Variants in ELAVL2 observed in about 807,000 individuals in gnomAD.
ELAVL2 encodes ELAV like RNA binding protein 2, also known as ELAV-like protein 2.
ELAVL2 carries 4 observed loss-of-function variants against 34.6 expected under a neutral mutation model. The observed-to-expected ratio is 0.12, with a 90% CI of 0.06 to 0.26. The LOEUF is 0.26. ELAVL2 is among the 10% of genes least tolerant of loss of function. The pLI is 1.00. For synonymous variants in ELAVL2, 193 were observed against 154.8 expected, an observed-to-expected ratio of 1.25 and a Z score of -1.83; for missense variants, 432 against 442.8, an observed-to-expected ratio of 0.98 and a Z score of 0.22.
At chr9:23,774,026 A>G (rs1172749441) in intron 1 of ELAVL2, among the ~76,000 whole-genome samples, 2 of 151,884 alleles carry the variant, frequency 1.3e-5, no homozygotes, top group African/African-American at 2.4e-5. Flanking sequence ...CCTGGCTAAC[A>G]CGGTGAAACC....
chr9:23,814,404 G>C (rs749009027), intron 1 of ELAVL2, among the ~76,000 whole-genome samples: 1 of 152,158 alleles, frequency 6.6e-6, no homozygotes, highest in Non-Finnish European at 1.5e-5. Flanking sequence ...GGATAAACAA[G>C]GGACAGAGGG....
chr9:23,834,184 T>C, the ELAVL2 span, among the ~76,000 whole-genome samples: 1 of 152,068 alleles, frequency 6.6e-6, no homozygotes, highest in Admixed American at 6.5e-5. Flanking sequence ...ATATGTTGCA[T>C]AATACATATT....
chr9:23,785,969 C>A (rs2195731), intron 1 of ELAVL2, among the ~76,000 whole-genome samples: 14,499 of 152,176 alleles, frequency 0.095, 963 homozygotes, highest in Admixed American at 0.18. Flanking sequence ...GGTCACCTGG[C>A]ATAGTGATCT....
At chr9:23,782,720 AT>A in intron 1 of ELAVL2, among the ~76,000 whole-genome samples, 1 of 152,244 alleles carries the variant, frequency 6.6e-6, no homozygotes, top group Non-Finnish European at 1.5e-5. Flanking sequence ...AAACCACTTT[AT>A]ATGCTCAAAT....
At chr9:23,763,743 A>C (rs1417339768) in intron 1 of ELAVL2, among the ~76,000 whole-genome samples, 1 of 152,164 alleles carries the variant, frequency 6.6e-6, no homozygotes, top group South Asian at 2.1e-4. Flanking sequence ...GACTGGTCAG[A>C]CTGAACAAGA....
chr9:23,700,460 T>G (rs976389494), intron 5 of ELAVL2, among the ~76,000 whole-genome samples: 1 of 152,168 alleles, frequency 6.6e-6, no homozygotes, highest in Non-Finnish European at 1.5e-5. Flanking sequence ...AGTTAGCATA[T>G]GTACACCTGT....
At chr9:23,807,933 C>G (rs1008780700) in intron 1 of ELAVL2, among the ~76,000 whole-genome samples, 1 of 152,124 alleles carries the variant, frequency 6.6e-6, no homozygotes, top group Non-Finnish European at 1.5e-5. Flanking sequence ...ACATAGCTTT[C>G]AGAGTAAAAG....
chr9:23,802,894 T>G (rs1377146134), intron 1 of ELAVL2, among the ~76,000 whole-genome samples: 1 of 152,152 alleles, frequency 6.6e-6, no homozygotes, highest in Non-Finnish European at 1.5e-5. Context: ...TGTAATGGGT[T>G]TGCTATTTAA....
At chr9:23,759,990 A>C in intron 2 of ELAVL2, among the ~76,000 whole-genome samples, 1 of 151,560 alleles carries the variant, frequency 6.6e-6, no homozygotes, top group East Asian at 1.9e-4. Flanking sequence ...GATGAGAAAT[A>C]TTTACACAGT....
At chr9:23,807,143 G>A (rs2062342298) in intron 1 of ELAVL2, among the ~76,000 whole-genome samples, 1 of 152,102 alleles carries the variant, frequency 6.6e-6, no homozygotes, top group African/African-American at 2.4e-5. Flanking sequence ...AAATAAAACT[G>A]TTTGCCAGAG....
chr9:23,787,135 G>A (rs2059788043), intron 1 of ELAVL2, among the ~76,000 whole-genome samples: 1 of 152,170 alleles, frequency 6.6e-6, no homozygotes, highest in African/African-American at 2.4e-5. Context: ...AGACAACATT[G>A]TTGGACAGGG....
chr9:23,842,833 A>G, the ELAVL2 span, among the ~76,000 whole-genome samples: 1 of 152,116 alleles, frequency 6.6e-6, no homozygotes, highest in South Asian at 2.1e-4. Context: ...CTGGCTACAT[A>G]TCAGTGTTAG....
intron 4 of ELAVL2, among the ~76,000 whole-genome samples, chr9:23,702,474 C>A (rs888367471): frequency 6.6e-6 from 1 of 151,700 alleles, no homozygotes; most frequent in Admixed American, 6.6e-5. Flanking sequence ...ATTTAATTAG[C>A]GTGAACAGGC....
At chr9:23,698,265 C>A (rs1056356019) in intron 5 of ELAVL2, among the ~76,000 whole-genome samples, 3 of 152,252 alleles carry the variant, frequency 2.0e-5, no homozygotes, top group African/African-American at 7.2e-5. Flanking sequence ...TTGAATTACA[C>A]CATCCATCCA....
intron 1 of ELAVL2, among the ~76,000 whole-genome samples, chr9:23,793,131 C>T (rs1564490045): frequency 6.6e-6 from 1 of 152,124 alleles, no homozygotes; most frequent in East Asian, 1.9e-4. Flanking sequence ...GTCCTCTCTG[C>T]TTATTTCCTT....
At chr9:23,694,908 C>G (rs983703040) in intron 5 of ELAVL2, among the ~76,000 whole-genome samples, 2 of 152,132 alleles carry the variant, frequency 1.3e-5, no homozygotes, top group African/African-American at 4.8e-5. Context: ...CCACCACCCT[C>G]TCATTGCACC....
At chr9:23,722,889 G>A (rs1053065581) in intron 3 of ELAVL2, among the ~76,000 whole-genome samples, 1 of 152,142 alleles carries the variant, frequency 6.6e-6, no homozygotes, top group African/African-American at 2.4e-5. Context: ...TCCTTCTTGG[G>A]AAGTTAACAC....
At chr9:23,729,128 T>A (rs1452365637) in intron 3 of ELAVL2, among the ~76,000 whole-genome samples, 2 of 152,178 alleles carry the variant, frequency 1.3e-5, no homozygotes, top group Non-Finnish European at 1.5e-5. Flanking sequence ...GGAGACCTAT[T>A]TCCCCTGCAT....
chr9:23,721,185 C>T lies in ELAVL2; in HGVS notation c.333+9837G>A, dbSNP rs1329042. Among the ~76,000 whole-genome samples, 760 of 152,268 alleles carry T rather than the reference C, an allele frequency of 5.0e-3. 6 individuals are homozygous for T. The highest frequency in any genetic ancestry group is 0.018 in the African/African-American group (732 of 41,554). On this transcript the variant is annotated intron_variant, in intron 3 of 6. Coordinates refer to ENST00000397312, the MANE Select transcript of ELAVL2 (RefSeq NM_004432.5). ...TCACCTGCAAATGCAAAAATGCAGA[C>T]GTAAAATAAAGCCCATGAAACTCAT...
Sources: gnomAD v4.1 joint callset for allele counts (sites outside exome capture counted in the v4.1 genomes callset) on GRCh38, gnomAD v4.1.1 for gene constraint, MANE v1.5 for transcripts, NCBI Gene and HGNC (gene_info 2026-07-23, HGNC 2026-07-21) for gene names.